The following DACH2 variants were observed in gnomAD, a reference collection of about 807,000 sequenced individuals.
The protein encoded by DACH2 is dachshund family transcription factor 2, also known as dachshund homolog 2.
DACH2 carries 17 observed loss-of-function variants against 35.8 expected under a neutral mutation model. That is an observed-to-expected ratio of 0.48 (90% CI 0.33 to 0.71). The LOEUF is 0.71. DACH2 is among the 30% of genes least tolerant of loss of function. DACH2 has a pLI of 0.02. For synonymous variants in DACH2, 195 were observed against 177.3 expected, an observed-to-expected ratio of 1.10 and a Z score of -0.79; for missense variants, 469 against 472.7, an observed-to-expected ratio of 0.99 and a Z score of 0.07.
In DACH2 at chrX:86,148,783, G is replaced by T; in HGVS notation, c.163G>T (p.Ala55Ser). 2 of 1,211,441 alleles carry T rather than the reference G, an allele frequency of 1.7e-6. No homozygotes were observed. The highest frequency in any genetic ancestry group is 2.2e-6 in the Non-Finnish European group (2 of 895,476). Residue 55 changes from alanine (A) to serine (S), a missense_variant, in exon 1 of 12, where the codon GCC becomes TCC. Physicochemically the swap from Ala to Ser is moderately conservative, Grantham distance 99 (BLOSUM62 1). Around this residue, in one of 3 missense-constraint regions of DACH2, gnomAD observed 99 missense variants for 114.3 expected, o/e 0.87. Coordinates refer to ENST00000373125, the MANE Select transcript of DACH2 (RefSeq NM_053281.3). ...CGTGGTTAATAACCACAGCAACAGT[G>T]CCGGAGGCGGCGGCAGGGGCAACAC... is the stretch of plus-strand genomic sequence containing the variant. ...SFVVNNHSNS[A>S]GGGGRGNTNT...
In DACH2 at chrX:86,485,792, CTTAAT is replaced by C. The variant is rs763153930; in HGVS notation, c.528-28483_528-28479del. 2.7e-5 allele frequency among the ~76,000 whole-genome samples: 3 copies of C among 111,578 alleles called. No homozygotes were observed. In the East Asian group the frequency reaches 8.5e-4, roughly 32 times the overall value. On this transcript the variant is annotated intron_variant, in intron 2 of 11. Coordinates refer to ENST00000373125, the MANE Select transcript of DACH2 (RefSeq NM_053281.3). ...TGTTTTTCCCACATATTTGTTTTCT[CTTAAT>C]TTATTTTCAAGAGCTTAATTTTTGA... is the stretch of plus-strand genomic sequence containing the variant.
At chrX:86,445,028 G>T (rs2037236106) in intron 2 of DACH2, among the ~76,000 whole-genome samples, 1 of 110,932 alleles carries the variant, frequency 9.0e-6, no homozygotes, top group African/African-American at 3.3e-5. Context: ...GCAGGGGAAA[G>T]ACTTTCCCAC....
At chrX:86,732,617 C>A (rs1378010578) in intron 6 of DACH2, among the ~76,000 whole-genome samples, 4 of 111,632 alleles carry the variant, frequency 3.6e-5, no homozygotes, top group African/African-American at 9.7e-5. Context: ...GCCTCATGGT[C>A]CCAATGAAAT....
intron 2 of DACH2, among the ~76,000 whole-genome samples, chrX:86,422,103 T>C (rs1159331739): frequency 1.8e-5 from 2 of 111,468 alleles, no homozygotes; most frequent in African/African-American, 6.5e-5. Context: ...TAGTTCATTG[T>C]TTCTTGGTAT....
intron 1 of DACH2, among the ~76,000 whole-genome samples, chrX:86,229,106 G>T (rs1356132953): frequency 1.8e-5 from 2 of 111,400 alleles, no homozygotes; most frequent in African/African-American, 3.3e-5. Context: ...TTAGGTCTTA[G>T]GTTTAAGTCC....
chrX:86,217,822 T>C (rs1262098895), intron 1 of DACH2, among the ~76,000 whole-genome samples: 3 of 112,015 alleles, frequency 2.7e-5, no homozygotes, highest in Non-Finnish European at 5.6e-5. Context: ...AGAAAGATCA[T>C]GTAGGAAGCG....
chrX:86,294,496 C>T (rs1377752622), intron 1 of DACH2, among the ~76,000 whole-genome samples: 66 of 110,971 alleles, frequency 5.9e-4, no homozygotes, highest in Admixed American at 1.4e-3. Context: ...GGAGGAGAGT[C>T]GCTCTGCTTT....
chrX:86,637,206 C>CAAAAAAA, intron 3 of DACH2, among the ~76,000 whole-genome samples: 156 of 7,755 alleles, frequency 0.02, 69 homozygotes, highest in Non-Finnish European at 0.028. Flanking sequence ...ACTGAAAAGC[C>CAAAAAAA]AAAAAAAAAA....
chrX:86,278,436 T>C (rs182766930), intron 1 of DACH2, among the ~76,000 whole-genome samples: 94 of 112,016 alleles, frequency 8.4e-4, no homozygotes, highest in Middle Eastern at 4.6e-3. Flanking sequence ...ATGCAGAAAG[T>C]GCTTTCCAAG....
chrX:86,537,364 AG>A (rs1185384674), intron 3 of DACH2, among the ~76,000 whole-genome samples: 2 of 111,248 alleles, frequency 1.8e-5, no homozygotes, highest in Non-Finnish European at 3.8e-5. Context: ...TGTGATGGGA[AG>A]GGCAGCACCA....
chrX:86,315,383 A>T (rs2034879024), intron 1 of DACH2, among the ~76,000 whole-genome samples: 1 of 112,072 alleles, frequency 8.9e-6, no homozygotes, highest in South Asian at 3.7e-4. Context: ...CGTGATGGAG[A>T]TGTACAGGAG....
intron 1 of DACH2, among the ~76,000 whole-genome samples, chrX:86,186,254 A>C (rs1374417917): frequency 8.9e-6 from 1 of 112,830 alleles, no homozygotes. Context: ...AATATAGTAC[A>C]CATCTTGAAC....
At chrX:86,612,137 A>G (rs1280679591) in intron 3 of DACH2, among the ~76,000 whole-genome samples, 1 of 108,262 alleles carries the variant, frequency 9.2e-6, no homozygotes, top group Non-Finnish European at 1.9e-5. Flanking sequence ...GGTTGTGTAT[A>G]GAAATGTCAT....
chrX:86,415,220 C>G (rs914215409), intron 2 of DACH2, among the ~76,000 whole-genome samples: 1 of 112,018 alleles, frequency 8.9e-6, no homozygotes, highest in Non-Finnish European at 1.9e-5. Flanking sequence ...TTTGGACTGA[C>G]AGTCTAGTAG....
chrX:86,698,518 TG>T (rs2041095058), intron 5 of DACH2, among the ~76,000 whole-genome samples: 2 of 66,191 alleles, frequency 3.0e-5, no homozygotes, highest in African/African-American at 5.3e-5. Context: ...TTGTTAGTTT[TG>T]TGTTTTTTTT....
intron 2 of DACH2, among the ~76,000 whole-genome samples, chrX:86,435,245 T>G (rs1168503423): frequency 8.9e-6 from 1 of 111,850 alleles, no homozygotes; most frequent in Non-Finnish European, 1.9e-5. Flanking sequence ...TTATTTATCT[T>G]GGAAAAACAC....
intron 11 of DACH2, chrX:86,827,843 T>C: frequency 6.4e-6 from 7 of 1,088,631 alleles, no homozygotes; most frequent in Non-Finnish European, 7.5e-6. Context: ...TTATCTAGTG[T>C]TGTAAATTAT....
At chrX:86,607,718 A>G (rs1356058499) in intron 3 of DACH2, among the ~76,000 whole-genome samples, 1 of 99,277 alleles carries the variant, frequency 1.0e-5, no homozygotes, top group Non-Finnish European at 2.0e-5. Context: ...AGCATTAGGT[A>G]TATCTCCCAG....
At chrX:86,321,854 C>A (rs1202378117) in intron 1 of DACH2, among the ~76,000 whole-genome samples, 1 of 112,083 alleles carries the variant, frequency 8.9e-6, no homozygotes, top group African/African-American at 3.2e-5. Flanking sequence ...ATATATCCTT[C>A]TTTATTTGTC....
Sources: allele counts gnomAD v4.1 joint callset (sites outside exome capture counted in the v4.1 genomes callset), GRCh38; gene constraint gnomAD v4.1.1; regional missense constraint gnomAD v4.1.1; transcripts MANE v1.5; gene names NCBI Gene and HGNC (gene_info 2026-07-23, HGNC 2026-07-21).